TRAPPC9: variants seen among roughly 807,000 people sequenced by gnomAD.
The protein encoded by TRAPPC9 is IKK2 binding protein.
A neutral mutation model predicts 124.0 loss-of-function variants in TRAPPC9; 83 were observed. The ratio of observed to expected loss-of-function variants is 0.67; its 90% confidence interval spans 0.56 to 0.80. TRAPPC9 has a LOEUF of 0.80. TRAPPC9 is among the 30% of genes least tolerant of loss of function. The pLI is 0.00. For missense variants in TRAPPC9, 1,302 were observed against 1,508.3 expected, an observed-to-expected ratio of 0.86 and a Z score of 2.27; for synonymous variants, 638 against 617.5, an observed-to-expected ratio of 1.03 and a Z score of -0.49.
intron 6 of TRAPPC9, among the ~76,000 whole-genome samples, chr8:140,398,401 CT>C (rs1225549263): frequency 1.3e-5 from 2 of 152,136 alleles, no homozygotes; most frequent in Non-Finnish European, 2.9e-5. Flanking sequence ...TTCCTAGAGG[CT>C]TGTCGAATGG....
At chr8:139,926,060 T>G (rs974053491) in intron 19 of TRAPPC9, among the ~76,000 whole-genome samples, 2 of 152,194 alleles carry the variant, frequency 1.3e-5, no homozygotes, top group Non-Finnish European at 2.9e-5. Flanking sequence ...TGACGTCACG[T>G]GGATAGCCTG....
chr8:139,948,110 C>T (rs1049206723), intron 19 of TRAPPC9, among the ~76,000 whole-genome samples: 1 of 151,576 alleles, frequency 6.6e-6, no homozygotes, highest in Non-Finnish European at 1.5e-5. Flanking sequence ...AGCCTTGCAT[C>T]ACAGGGTCCT....
intron 21 of TRAPPC9, among the ~76,000 whole-genome samples, chr8:139,861,079 T>C (rs915183142): frequency 6.6e-6 from 1 of 152,250 alleles, no homozygotes; most frequent in South Asian, 2.1e-4. Context: ...TGGGTTCCGT[T>C]TGTGCTTGTT....
chr8:139,945,817 G>A (rs531707110), intron 19 of TRAPPC9, among the ~76,000 whole-genome samples: 1 of 152,236 alleles, frequency 6.6e-6, no homozygotes, highest in African/African-American at 2.4e-5. Context: ...TGGTTGTTAG[G>A]GGAAATATAC....
At chr8:140,349,845 G>A (rs1588195930) in intron 9 of TRAPPC9, among the ~76,000 whole-genome samples, 1 of 152,190 alleles carries the variant, frequency 6.6e-6, no homozygotes, top group Admixed American at 6.5e-5. Context: ...CTGCCACCAC[G>A]TCCAGGTAGC....
At chr8:140,074,820 A>G (rs1843404482) in intron 17 of TRAPPC9, among the ~76,000 whole-genome samples, 1 of 152,194 alleles carries the variant, frequency 6.6e-6, no homozygotes, top group Admixed American at 6.5e-5. Context: ...TCGGGCACAG[A>G]CAGGAAGGGG....
chr8:140,439,364 T>C (rs1403706275), intron 2 of TRAPPC9, among the ~76,000 whole-genome samples, 167 bp from the exon 3 acceptor site: 1 of 152,110 alleles, frequency 6.6e-6, no homozygotes, highest in African/African-American at 2.4e-5. Flanking sequence ...TGAGCTGGAG[T>C]GGTCTTAATT....
At chr8:139,987,070 T>C (rs976059817) in intron 19 of TRAPPC9, among the ~76,000 whole-genome samples, 2 of 152,236 alleles carry the variant, frequency 1.3e-5, no homozygotes, top group African/African-American at 4.8e-5. Flanking sequence ...TCCTGAGAGT[T>C]GCAAGTGCTG....
intron 17 of TRAPPC9, among the ~76,000 whole-genome samples, chr8:140,156,764 C>T (rs1368774550): frequency 6.6e-6 from 1 of 152,204 alleles, no homozygotes; most frequent in Admixed American, 6.5e-5. Flanking sequence ...AATATGAGGG[C>T]TGTCAGAGGA....
At chr8:140,139,086 A>G (rs988734571) in intron 17 of TRAPPC9, among the ~76,000 whole-genome samples, 17 of 152,182 alleles carry the variant, frequency 1.1e-4, no homozygotes, top group Admixed American at 8.5e-4. Context: ...TCTAGAAAGA[A>G]CAGCCAACTA....
chr8:140,213,009 C>T (rs2063098680), intron 17 of TRAPPC9, among the ~76,000 whole-genome samples: 1 of 150,832 alleles, frequency 6.6e-6, no homozygotes, highest in East Asian at 2.0e-4. Context: ...GCAGAGGTAG[C>T]AGTGAGCCAA....
At chr8:140,157,857 G>A (rs2061681949) in intron 17 of TRAPPC9, among the ~76,000 whole-genome samples, 1 of 152,134 alleles carries the variant, frequency 6.6e-6, no homozygotes. Flanking sequence ...ACATTTTTCT[G>A]TGCACATATA....
At chr8:140,251,287 G>A (rs4736158) in intron 16 of TRAPPC9, among the ~76,000 whole-genome samples, 33,020 of 151,990 alleles carry the variant, frequency 0.22, 3,886 homozygotes, top group African/African-American at 0.3. Flanking sequence ...TTCTTGGGAA[G>A]AAGAAGTCAG....
rs146371998 is a variant in TRAPPC9 at position 140,022,193 on chromosome 8, C to G, written c.2699+1744G>C. ...GTCAGCAGAGAGACCAATGGGGCAA[C>G]TCTCTCTACAGTGACAAAGGCATGC... On this transcript the variant is annotated intron_variant, in intron 18 of 22. Coordinates refer to ENST00000438773, the MANE Select transcript of TRAPPC9 (RefSeq NM_001160372.4). Among the ~76,000 whole-genome samples the G allele has an allele frequency of 6.6e-5, 10 of 152,322 alleles. No homozygotes were observed. In the East Asian group the frequency reaches 1.9e-3, roughly 29 times the overall value.
At chr8:140,412,149 C>T (rs2069727698) in intron 5 of TRAPPC9, among the ~76,000 whole-genome samples, 1 of 152,192 alleles carries the variant, frequency 6.6e-6, no homozygotes, top group Non-Finnish European at 1.5e-5. Context: ...GTTAGCCTCA[C>T]CAGTAATGGG....
intron 21 of TRAPPC9, among the ~76,000 whole-genome samples, chr8:139,784,239 G>C (rs1247445327): frequency 6.6e-6 from 1 of 152,188 alleles, no homozygotes; most frequent in African/African-American, 2.4e-5. Flanking sequence ...TTTAAAAACA[G>C]CCACTAGAAT....
Position 139,882,806 on chromosome 8 carries a change from A to C in TRAPPC9, c.3055+3073T>G, listed in dbSNP as rs140395694. Among the ~76,000 whole-genome samples the C allele has an allele frequency of 1.9e-3, 282 of 152,382 alleles. 2 individuals carry two copies. Among genetic ancestry groups the C allele is most frequent in the Non-Finnish European group, 5.4e-4 (37 of 68,034 alleles). The stretch of plus-strand genomic sequence containing the variant: ...GCATCATCCCATTCCATAAAGGAAG[A>C]AACTCAGGCTCAAAGAGGTGAAGTG... On this transcript the variant is annotated intron_variant, in intron 21 of 22. Coordinates refer to ENST00000438773, the MANE Select transcript of TRAPPC9 (RefSeq NM_001160372.4).
intron 17 of TRAPPC9, among the ~76,000 whole-genome samples, chr8:140,059,412 T>A (rs991674831): frequency 3.5e-4 from 53 of 152,312 alleles, no homozygotes; most frequent in African/African-American, 1.3e-3. Flanking sequence ...GCAATGAACA[T>A]CAAAGTACAA....
intron 17 of TRAPPC9, among the ~76,000 whole-genome samples, chr8:140,146,864 C>CAA (rs11460861): frequency 0.015 from 1,894 of 125,088 alleles, 38 homozygotes; most frequent in African/African-American, 0.042. Context: ...GTTTTCTAAC[C>CAA]AAAAAAAAAA....
Sources: gnomAD v4.1 joint callset for allele counts (sites outside exome capture counted in the v4.1 genomes callset) on GRCh38, gnomAD v4.1.1 for gene constraint, MANE v1.5 for transcripts, NCBI Gene and HGNC (gene_info 2026-07-23, HGNC 2026-07-21) for gene names.